The following SAMD9L variants were observed in gnomAD, a reference collection of about 807,000 sequenced individuals.
SAMD9L encodes sterile alpha motif domain-containing protein 9-like.
A neutral mutation model predicts 90.7 loss-of-function variants in SAMD9L; 68 were observed. The ratio of observed to expected loss-of-function variants is 0.75; its 90% confidence interval spans 0.62 to 0.92. The LOEUF (loss-of-function observed/expected upper bound fraction) is 0.92, where lower values mean the gene tolerates loss of function less well. SAMD9L is among the 40% of genes least tolerant of loss of function. The pLI is 0.00. For missense variants in SAMD9L, 1,604 were observed against 1,824.3 expected, an observed-to-expected ratio of 0.88 and a Z score of 2.20; for synonymous variants, 640 against 630.1, an observed-to-expected ratio of 1.02 and a Z score of -0.23.
Position 93,135,005 on chromosome 7 carries a change from T to C in SAMD9L, c.967A>G (p.Ile323Val). ...HSICNDKYFY[I>V]QMQICKDKIW... Reference sequence around the variant, plus strand: ...TTATCTTTACAAATTTGCATCTGAATGTAGAAATACTTATCATTACATATA... The same window carrying C: ...TTATCTTTACAAATTTGCATCTGAACGTAGAAATACTTATCATTACATATA... Residue 323 changes from isoleucine to valine, a missense_variant, in exon 5 of 5, where the codon ATT becomes GTT. This residue lies in a region of SAMD9L where 374 missense variants were observed against 363.6 expected (regional missense o/e 1.03). Transcript: ENST00000318238. The C allele has an allele frequency of 6.2e-7, 1 of 1,613,176 alleles. No homozygotes were observed. The highest frequency in any genetic ancestry group is 2.2e-5 in the East Asian group (1 of 44,866).
At position 93,133,548 on chromosome 7, in the gene SAMD9L, T is replaced by C; in HGVS notation, c.2424A>G (p.Gln808=). ...VLLLVDDFEE[Q]ENVYFLQNAI... is the part of the protein sequence containing the mutation. The stretch of plus-strand genomic sequence containing the variant: ...CATTTTGTAGAAAGTAGACATTTTC[T>C]TGTTCTTCAAAATCATCCACAAGGA... The change falls in exon 5 of 5, where the codon CAA becomes CAG. Residue 808 remains glutamine (Q), a synonymous_variant. Coordinates refer to ENST00000318238, the MANE Select transcript of SAMD9L (RefSeq NM_152703.5). 1 of 1,613,820 alleles carries C rather than the reference T, an allele frequency of 6.2e-7. No homozygotes were observed. The highest frequency in any genetic ancestry group is 8.5e-7 in the Non-Finnish European group (1 of 1,179,842).
At chr7:93,136,058 A>G (rs1792441469) in intron 4 of SAMD9L, 67 bp from the exon 5 acceptor site, 3 of 1,050,734 alleles carry the variant, frequency 2.9e-6, no homozygotes, top group Non-Finnish European at 4.0e-6. Flanking sequence ...ATAGACAATT[A>G]TGTATACATT....
intron 4 of SAMD9L, among the ~76,000 whole-genome samples, 156 bp from the exon 5 acceptor site, chr7:93,136,147 T>G (rs1171885410): frequency 6.6e-6 from 1 of 152,182 alleles, no homozygotes. Flanking sequence ...TTACTTTAGC[T>G]ATTTTACCAT....
chr7:93,133,118 T>C lies in SAMD9L; in HGVS notation c.2854A>G (p.Ser952Gly), dbSNP rs1217834225. ...AAGCTTTCAGGTTCCCAGGGTGTAC[T>C]AGTGTATATGATTCCCAAAAATATT... Reference protein sequence around the residue: ...CEIFLGIIYTSTPWEPESLED... With the variant: ...CEIFLGIIYTGTPWEPESLED... The change falls in exon 5 of 5, where the codon AGT (serine) becomes GGT (glycine). Residue 952 changes from serine to glycine, a missense_variant. This residue lies in a region of SAMD9L where 606 missense variants were observed against 717.6 expected (regional missense o/e 0.84). Transcript: ENST00000318238. The C allele has an allele frequency of 8.7e-6, 14 of 1,612,932 alleles. No homozygotes were observed. In the South Asian group the frequency reaches 1.5e-4, roughly 18 times the overall value.
At chr7:93,136,505 A>C (rs1792459299) in intron 4 of SAMD9L, among the ~76,000 whole-genome samples, 1 of 152,188 alleles carries the variant, frequency 6.6e-6, no homozygotes, top group South Asian at 2.1e-4. Context: ...CCACAAGGCT[A>C]GGGTTTGGGG....
intron 2 of SAMD9L, 144 bp downstream of exon 2, chr7:93,146,739 C>T (rs1584303592): frequency 1.3e-5 from 2 of 152,082 alleles, no homozygotes; most frequent in Admixed American, 6.6e-5. Flanking sequence ...CTGTGCTACC[C>T]GTTAGGCCAG....
chr7:93,145,147 G>C (rs146824874), intron 3 of SAMD9L, among the ~76,000 whole-genome samples: 1 of 152,258 alleles, frequency 6.6e-6, no homozygotes, highest in East Asian at 1.9e-4. Flanking sequence ...CCGTCACCAT[G>C]CTTGCTGGAA....
Position 93,131,018 on chromosome 7 carries a change from T to G in SAMD9L, c.*199A>C, listed in dbSNP as rs1018252571. The G allele has an allele frequency of 2.9e-5, 13 of 451,880 alleles. No homozygotes were observed. In the Admixed American group the frequency reaches 3.1e-4, roughly 11 times the overall value. The allele number at this position is 451,880 out of a possible 1,614,324, so 28.0% of individuals were successfully genotyped here. A position where few individuals can be genotyped will look rare whatever the true frequency, so the allele number is the denominator to read the frequency against. ...ATGCATATTTAAAACATTAAAAGATTGACTCCACTTTGTGCCAAGCTCTGC... is the reference window on the plus strand; with the variant it reads ...ATGCATATTTAAAACATTAAAAGATGGACTCCACTTTGTGCCAAGCTCTGC... On this transcript the variant is annotated 3_prime_UTR_variant, in exon 5 of 5. Coordinates refer to ENST00000318238, the MANE Select transcript of SAMD9L (RefSeq NM_152703.5).
At chr7:93,137,734 GT>G (rs61599939) in intron 4 of SAMD9L, among the ~76,000 whole-genome samples, 67,415 of 121,794 alleles carry the variant, frequency 0.55, 19,233 homozygotes, top group Middle Eastern at 0.66. Flanking sequence ...AGGAACCTAA[GT>G]TTTTTTTTTT....
At chr7:93,136,093 A>G (rs1792443326) in intron 4 of SAMD9L, 102 bp from the exon 5 acceptor site, 2 of 745,484 alleles carry the variant, frequency 2.7e-6, no homozygotes, top group African/African-American at 3.7e-5. Flanking sequence ...ACATATATAT[A>G]TGTATAATAT....
chr7:93,134,621 T>C lies in SAMD9L; in HGVS notation c.1351A>G (p.Met451Val). The C allele has an allele frequency of 1.9e-6, 3 of 1,613,980 alleles. No homozygotes were observed. The highest frequency in any genetic ancestry group is 8.5e-7 in the Non-Finnish European group (1 of 1,179,914). ...TAAGCTTTGACCACTCCATTGATCA[T>C]AGATTCAGGATCAAACTCCAACACA... Reference protein sequence around the residue: ...FAVLEFDPESMINGVVKAYKE... With the variant: ...FAVLEFDPESVINGVVKAYKE... Residue 451 changes from methionine (M) to valine (V), a missense_variant, in exon 5 of 5, where the codon ATG becomes GTG. By Grantham distance (21) the Met-to-Val change is conservative. Around this residue, in one of 7 missense-constraint regions of SAMD9L, gnomAD observed 606 missense variants for 717.6 expected, o/e 0.84. Coordinates refer to ENST00000318238, the MANE Select transcript of SAMD9L (RefSeq NM_152703.5).
At chr7:93,136,933 T>C (rs986312400) in intron 4 of SAMD9L, among the ~76,000 whole-genome samples, 7 of 152,128 alleles carry the variant, frequency 4.6e-5, no homozygotes, top group Non-Finnish European at 1.0e-4. Flanking sequence ...TAAGGTGTGG[T>C]CTCCAAACTA....
rs1010548594 is a variant in SAMD9L, at chr7:93,132,079, C to T, written c.3893G>A (p.Arg1298His). 1.8e-5 allele frequency: 29 copies of T among 1,613,586 alleles called. No individual in the cohort carries two copies. The highest frequency in any genetic ancestry group is 6.7e-5 in the Admixed American group (4 of 59,866). ...AAGTTCTGTGTATTTCCTGAAACAA[C>T]GACTGACTTTCTTGCTTAACATGAT... ...AEIMLSKKVS[R>H]CFRKYTELFC... The change falls in exon 5 of 5, where the codon CGT becomes CAT. Residue 1298 changes from arginine to histidine, a missense_variant. Arg to His is a conservative substitution (Grantham distance 29, BLOSUM62 0). Coordinates refer to ENST00000318238, the MANE Select transcript of SAMD9L (RefSeq NM_152703.5).
In SAMD9L at chr7:93,133,041, T is replaced by A; in HGVS notation, c.2931A>T (p.Ala977=). 1 of 1,613,684 alleles carries A rather than the reference T, an allele frequency of 6.2e-7. No homozygotes were observed. The highest frequency in any genetic ancestry group is 8.5e-7 in the Non-Finnish European group (1 of 1,179,734). The change falls in exon 5 of 5, where the codon GCA becomes GCT. Residue 977 remains alanine (A), a synonymous_variant. Coordinates refer to ENST00000318238, the MANE Select transcript of SAMD9L (RefSeq NM_152703.5). ...YSTLLIKTEV[A]EYGRYTGVRI... is the part of the protein sequence containing the mutation. Reference sequence around the variant, plus strand: ...GCACACCTGTGTATCTCCCATATTCTGCAACTTCTGTTTTTATTAGAAGTG... The same window carrying A: ...GCACACCTGTGTATCTCCCATATTCAGCAACTTCTGTTTTTATTAGAAGTG...
At chr7:93,141,075 C>T (rs1463647124) in intron 4 of SAMD9L, among the ~76,000 whole-genome samples, 1 of 152,230 alleles carries the variant, frequency 6.6e-6, no homozygotes, top group African/African-American at 2.4e-5. Flanking sequence ...GGTATTGCTA[C>T]AGACAGTTCT....
chr7:93,135,428 T>C lies in SAMD9L; in HGVS notation c.544A>G (p.Thr182Ala). 6.2e-7 allele frequency: 1 copy of C among 1,614,134 alleles called. No homozygotes were observed. The highest frequency in any genetic ancestry group is 8.5e-7 in the Non-Finnish European group (1 of 1,179,984). Residue 182 changes from threonine to alanine, a missense_variant, in exon 5 of 5, where the codon ACT (threonine) becomes GCT (alanine). Around this residue, in one of 7 missense-constraint regions of SAMD9L, gnomAD observed 374 missense variants for 363.6 expected, o/e 1.03. Coordinates refer to ENST00000318238, the MANE Select transcript of SAMD9L (RefSeq NM_152703.5). ...HDSHRYIEHY[T>A]LQPETGALNL... ...AGTGCTCCTGTTTCAGGTTGTAGAGTATAATGTTCTATGTAGCGATGGCTG... is the reference window on the plus strand; with the variant it reads ...AGTGCTCCTGTTTCAGGTTGTAGAGCATAATGTTCTATGTAGCGATGGCTG...
chr7:93,135,962 G>C lies in SAMD9L; in HGVS notation c.10C>G (p.Gln4Glu), dbSNP rs1023701543. The C allele has an allele frequency of 4.5e-6, 7 of 1,571,852 alleles. No individual in the cohort carries two copies. Among genetic ancestry groups the C allele is most frequent in the African/African-American group, 1.4e-5 (1 of 73,054 alleles). ...TTAATCATTTCAGGTAGAGATACTT[G>C]TTTACTCATATCAAAGCTTCAACTT... MSK[Q>E]VSLPEMIKDW... Residue 4 changes from glutamine to glutamate, a missense_variant, in exon 5 of 5, where the codon CAA (glutamine) becomes GAA (glutamate). This residue lies in a region of SAMD9L where 24 missense variants were observed against 41.8 expected (regional missense o/e 0.57). Coordinates refer to ENST00000318238, the MANE Select transcript of SAMD9L (RefSeq NM_152703.5).
chr7:93,134,151 G>A lies in SAMD9L; in HGVS notation c.1821C>T (p.His607=), dbSNP rs778375780. The A allele has an allele frequency of 1.9e-6, 3 of 1,613,680 alleles. No individual in the cohort carries two copies. The African/African-American group carries it at 4.0e-5, about 22-fold the overall frequency. ...GTTCTATATTTAAAGTGGAAATACT[G>A]TGGTTTGTTAGTTCATCTTCCATCT... is the stretch of plus-strand genomic sequence containing the variant. ...RMKMEDELTN[H]SISTLNIELV... The change falls in exon 5 of 5, where the codon CAC becomes CAT. Residue 607 remains histidine (H), a synonymous_variant. Transcript: ENST00000318238.
At chr7:93,142,767 C>A (rs1260587203) in intron 4 of SAMD9L, among the ~76,000 whole-genome samples, 1 of 152,200 alleles carries the variant, frequency 6.6e-6, no homozygotes, top group South Asian at 2.1e-4. Flanking sequence ...GGCAACAAAC[C>A]CTCCTCTGGA....
Sources: allele counts gnomAD v4.1 joint callset (sites outside exome capture counted in the v4.1 genomes callset), GRCh38; gene constraint gnomAD v4.1.1; regional missense constraint gnomAD v4.1.1; transcripts MANE v1.5; gene names NCBI Gene and HGNC (gene_info 2026-07-23, HGNC 2026-07-21).